Variants in KLF12 observed in about 807,000 individuals in gnomAD.
The protein encoded by KLF12 is KLF transcription factor 12.
A neutral mutation model predicts 37.8 loss-of-function variants in KLF12; 9 were observed. That is an observed-to-expected ratio of 0.24 (90% CI 0.14 to 0.42). The LOEUF is 0.42. Ranked by LOEUF, KLF12 falls within the 10% of genes least tolerant of loss-of-function variation. KLF12 has a pLI of 1.00. For missense variants in KLF12, 411 were observed against 516.0 expected (o/e 0.80, Z 1.97); for synonymous variants, 208 against 202.1 (o/e 1.03, Z -0.25).
At chr13:73,847,226 C>T (rs985602776) in intron 3 of KLF12, among the ~76,000 whole-genome samples, 4 of 152,046 alleles carry the variant, frequency 2.6e-5, no homozygotes, top group Non-Finnish European at 2.9e-5. Flanking sequence ...CATAAGAGTA[C>T]TATTAGTGGT....
chr13:74,142,385 C>T, the KLF12 span, among the ~76,000 whole-genome samples: 1 of 152,208 alleles, frequency 6.6e-6, no homozygotes, highest in South Asian at 2.1e-4. Flanking sequence ...TGAGCTGATG[C>T]CTGAGAGCCA....
intron 3 of KLF12, among the ~76,000 whole-genome samples, chr13:73,887,451 G>A (rs958252062): frequency 1.1e-4 from 16 of 152,074 alleles, no homozygotes; most frequent in Non-Finnish European, 2.2e-4. Context: ...TTACATAAAA[G>A]AGCTTGGCCC....
chr13:73,795,887 G>T (rs1349093597), intron 5 of KLF12, among the ~76,000 whole-genome samples: 3 of 152,106 alleles, frequency 2.0e-5, no homozygotes, highest in Admixed American at 2.0e-4. Flanking sequence ...AACTTTTAAA[G>T]TTCATATGGA....
At chr13:74,113,563 TA>T (rs1188924261) in intron 1 of KLF12, among the ~76,000 whole-genome samples, 1 of 152,226 alleles carries the variant, frequency 6.6e-6, no homozygotes. Context: ...GTTTATTAAA[TA>T]CTTCAAACTT....
At chr13:74,065,722 G>A (rs1239405214) in intron 1 of KLF12, among the ~76,000 whole-genome samples, 1 of 152,094 alleles carries the variant, frequency 6.6e-6, no homozygotes, top group Non-Finnish European at 1.5e-5. Flanking sequence ...CGTGAGGGAA[G>A]TGCATGAGCA....
chr13:73,795,439 A>G (rs566745129), intron 5 of KLF12, among the ~76,000 whole-genome samples: 6 of 152,342 alleles, frequency 3.9e-5, no homozygotes, highest in South Asian at 2.1e-4. Flanking sequence ...GCAAATGTTC[A>G]ATACACACTG....
At chr13:73,705,376 C>T (rs917808285) in intron 7 of KLF12, among the ~76,000 whole-genome samples, 10 of 152,094 alleles carry the variant, frequency 6.6e-5, no homozygotes, top group African/African-American at 1.9e-4. Flanking sequence ...CAGGTTCAAG[C>T]GATGCTCTTG....
the KLF12 span, among the ~76,000 whole-genome samples, chr13:74,139,349 G>C: frequency 1.3e-5 from 2 of 152,060 alleles, no homozygotes; most frequent in Non-Finnish European, 2.9e-5. Context: ...ACACTGTTTT[G>C]CACATAGTAG....
chr13:74,237,904 CT>C, the KLF12 span, among the ~76,000 whole-genome samples: 1 of 151,992 alleles, frequency 6.6e-6, no homozygotes, highest in East Asian at 1.9e-4. Flanking sequence ...ATTTGACTTC[CT>C]CTTTTCCTAA....
the KLF12 span, among the ~76,000 whole-genome samples, chr13:74,274,684 TC>T: frequency 1.3e-5 from 2 of 152,052 alleles, no homozygotes; most frequent in East Asian, 3.9e-4. Flanking sequence ...ATTTTTCACT[TC>T]TTTTTTTTTT....
the KLF12 span, among the ~76,000 whole-genome samples, chr13:74,187,084 A>G: frequency 6.6e-6 from 1 of 152,224 alleles, no homozygotes. Flanking sequence ...GCTTCCTTCT[A>G]GGAATGACAG....
chr13:73,755,248 A>C (rs535447396), intron 6 of KLF12, among the ~76,000 whole-genome samples: 12 of 152,374 alleles, frequency 7.9e-5, no homozygotes, highest in Admixed American at 4.6e-4. Flanking sequence ...ATGGAAAAAG[A>C]GATGGAATTG....
intron 6 of KLF12, among the ~76,000 whole-genome samples, chr13:73,737,753 A>G (rs1302684701): frequency 6.6e-6 from 1 of 152,140 alleles, no homozygotes; most frequent in Non-Finnish European, 1.5e-5. Flanking sequence ...TCATTTAGGT[A>G]TATCTAAAAG....
chr13:74,034,581 C>T (rs150936459), intron 1 of KLF12, among the ~76,000 whole-genome samples: 2 of 152,342 alleles, frequency 1.3e-5, no homozygotes, highest in East Asian at 3.9e-4. Context: ...TTCCAACTTA[C>T]AATTTCTAGA....
At chr13:74,107,241 A>C (rs1455716461) in intron 1 of KLF12, among the ~76,000 whole-genome samples, 3 of 152,228 alleles carry the variant, frequency 2.0e-5, no homozygotes, top group Non-Finnish European at 4.4e-5. Context: ...ATTAAGTTTC[A>C]ACATAATGAA....
chr13:74,247,550 CT>C, the KLF12 span, among the ~76,000 whole-genome samples: 1 of 152,320 alleles, frequency 6.6e-6, no homozygotes, highest in East Asian at 1.9e-4. Context: ...AGCACTTTCT[CT>C]TGTAATTCAA....
At chr13:74,113,372 T>C (rs1348819499) in intron 1 of KLF12, among the ~76,000 whole-genome samples, 5 of 152,202 alleles carry the variant, frequency 3.3e-5, no homozygotes, top group Non-Finnish European at 5.9e-5. Context: ...AGAGGAGAAG[T>C]CAATGACTGG....
At chr13:74,247,978 G>A in the KLF12 span, among the ~76,000 whole-genome samples, 8 of 152,314 alleles carry the variant, frequency 5.3e-5, no homozygotes, top group African/African-American at 9.6e-5. Flanking sequence ...CCATTGTGGC[G>A]CTGGATGCCT....
chr13:74,130,504 A>C (rs1039025803), intron 1 of KLF12, among the ~76,000 whole-genome samples: 7 of 152,130 alleles, frequency 4.6e-5, no homozygotes, highest in South Asian at 2.1e-4. Context: ...CTACAAAAAA[A>C]TTTTTAGCTG....
Sources: allele counts gnomAD v4.1 joint callset (sites outside exome capture counted in the v4.1 genomes callset), GRCh38; gene constraint gnomAD v4.1.1; transcripts MANE v1.5; gene names NCBI Gene and HGNC (gene_info 2026-07-23, HGNC 2026-07-21).